The following ZBTB7C variants were observed in gnomAD, a reference collection of about 807,000 sequenced individuals.
ZBTB7C encodes the protein zinc finger and BTB domain-containing protein 7C.
In ZBTB7C, 8 loss-of-function variants were observed where a neutral mutation model predicts 25.7. That is an observed-to-expected ratio of 0.31 (90% CI 0.18 to 0.56). The LOEUF (loss-of-function observed/expected upper bound fraction) is 0.56, where lower values mean the gene tolerates loss of function less well. Among genes scored for constraint, ZBTB7C ranks in the 20% least tolerant of loss-of-function variants. The probability of loss-of-function intolerance (pLI) is 0.91; values close to 1 mark genes in which losing one functional copy is unlikely to be tolerated. For missense variants in ZBTB7C, 824 were observed against 855.2 expected, an observed-to-expected ratio of 0.96 and a Z score of 0.46; for synonymous variants, 394 against 369.0, an observed-to-expected ratio of 1.07 and a Z score of -0.78.
At chr18:48,239,388 C>A (rs1021833995) in intron 2 of ZBTB7C, among the ~76,000 whole-genome samples, 2 of 152,182 alleles carry the variant, frequency 1.3e-5, no homozygotes, top group Non-Finnish European at 2.9e-5. Context: ...AGAGGCCAAC[C>A]AACTGCTAGC....
chr18:48,171,874 A>G (rs2041492939), intron 3 of ZBTB7C, among the ~76,000 whole-genome samples: 1 of 152,236 alleles, frequency 6.6e-6, no homozygotes, highest in East Asian at 1.9e-4. Flanking sequence ...CCCTGAAGCC[A>G]CTTGGCAAGT....
chr18:48,388,789 A>G (rs1175868129), intron 1 of ZBTB7C, among the ~76,000 whole-genome samples: 3 of 152,242 alleles, frequency 2.0e-5, no homozygotes, highest in Non-Finnish European at 4.4e-5. Flanking sequence ...AAACACTAGT[A>G]TCACAGAAGT....
intron 2 of ZBTB7C, among the ~76,000 whole-genome samples, chr18:48,205,068 C>T (rs1266377543): frequency 6.6e-6 from 1 of 152,064 alleles, no homozygotes; most frequent in Admixed American, 6.5e-5. Flanking sequence ...CCTCAGGGCC[C>T]TGGGGACACT....
chr18:48,111,405 T>C (rs1174640009), intron 3 of ZBTB7C, among the ~76,000 whole-genome samples: 2 of 152,248 alleles, frequency 1.3e-5, no homozygotes, highest in Admixed American at 1.3e-4. Flanking sequence ...AAGTGAACAA[T>C]GGATTTCAAA....
chr18:48,210,878 C>T (rs562894087), intron 2 of ZBTB7C, among the ~76,000 whole-genome samples: 1 of 151,950 alleles, frequency 6.6e-6, no homozygotes, highest in Non-Finnish European at 1.5e-5. Context: ...AGACAAATGA[C>T]TCAGAATAGC....
intron 2 of ZBTB7C, among the ~76,000 whole-genome samples, chr18:48,334,102 T>G (rs2046402934): frequency 6.6e-6 from 1 of 152,134 alleles, no homozygotes; most frequent in Non-Finnish European, 1.5e-5. Flanking sequence ...CTACAGGACT[T>G]ACTTAGATCC....
chr18:48,172,782 G>A (rs886280958), intron 3 of ZBTB7C, among the ~76,000 whole-genome samples: 2 of 152,240 alleles, frequency 1.3e-5, no homozygotes, highest in Non-Finnish European at 2.9e-5. Context: ...GGGGTGGGAA[G>A]GGCCGCCTGG....
chr18:48,240,284 T>G (rs2043489102), intron 2 of ZBTB7C, among the ~76,000 whole-genome samples: 2 of 152,174 alleles, frequency 1.3e-5, no homozygotes, highest in African/African-American at 4.8e-5. Flanking sequence ...GAAAGCTTAT[T>G]TGAAGGAATA....
chr18:48,351,285 T>C (rs564716048), intron 1 of ZBTB7C, among the ~76,000 whole-genome samples: 74 of 152,158 alleles, frequency 4.9e-4, no homozygotes, highest in African/African-American at 1.6e-3. Context: ...CCCTTGAGGA[T>C]TGCTGCCACT....
chr18:48,309,272 G>C (rs1483615127), intron 2 of ZBTB7C, among the ~76,000 whole-genome samples: 1 of 152,086 alleles, frequency 6.6e-6, no homozygotes, highest in Non-Finnish European at 1.5e-5. Context: ...GAAATAGGAG[G>C]GCTGGGTGTG....
chr18:48,179,587 C>T (rs2041812892), intron 3 of ZBTB7C, among the ~76,000 whole-genome samples: 1 of 152,014 alleles, frequency 6.6e-6, no homozygotes, highest in South Asian at 2.1e-4. Flanking sequence ...GAGACCATCT[C>T]GGGAGGGACA....
chr18:48,229,760 C>T (rs1216317361), intron 2 of ZBTB7C, among the ~76,000 whole-genome samples: 4 of 152,124 alleles, frequency 2.6e-5, no homozygotes, highest in Non-Finnish European at 4.4e-5. Flanking sequence ...CCGAGGAAGA[C>T]GTGGGGGAGT....
intron 3 of ZBTB7C, among the ~76,000 whole-genome samples, chr18:48,064,817 T>C (rs6507798): frequency 0.53 from 78,984 of 150,112 alleles, 21,341 homozygotes; most frequent in African/African-American, 0.64. Context: ...CCGGGAGGAG[T>C]AGGATGCAGG....
At chr18:48,161,023 T>A (rs957845524) in intron 3 of ZBTB7C, among the ~76,000 whole-genome samples, 1 of 148,908 alleles carries the variant, frequency 6.7e-6, no homozygotes, top group Non-Finnish European at 1.5e-5. Flanking sequence ...CACACAGCCA[T>A]GAGAAGGGTG....
At chr18:48,384,855 T>C (rs1373328865) in intron 1 of ZBTB7C, among the ~76,000 whole-genome samples, 1 of 152,156 alleles carries the variant, frequency 6.6e-6, no homozygotes, top group East Asian at 1.9e-4. Flanking sequence ...CTAATTTTTG[T>C]ATTTTTAGTA....
chr18:48,074,837 G>A (rs563802818), intron 3 of ZBTB7C, among the ~76,000 whole-genome samples: 22 of 152,316 alleles, frequency 1.4e-4, no homozygotes, highest in Admixed American at 3.9e-4. Context: ...GATCAAGGAC[G>A]CTTGGCTTAA....
chr18:48,320,485 T>C (rs563438854), intron 2 of ZBTB7C, among the ~76,000 whole-genome samples: 1 of 152,214 alleles, frequency 6.6e-6, no homozygotes, highest in Admixed American at 6.5e-5. Flanking sequence ...GGCCAATCAG[T>C]AGGCTATTGT....
At chr18:48,282,947 A>G (rs999050997) in intron 2 of ZBTB7C, among the ~76,000 whole-genome samples, 1 of 152,238 alleles carries the variant, frequency 6.6e-6, no homozygotes, top group Non-Finnish European at 1.5e-5. Flanking sequence ...AGTATATTCA[A>G]TGTGTGAAAA....
At chr18:48,108,234 C>T (rs1032620650) in intron 3 of ZBTB7C, among the ~76,000 whole-genome samples, 8 of 152,288 alleles carry the variant, frequency 5.3e-5, no homozygotes, top group Non-Finnish European at 8.8e-5. Context: ...GGCCAGACCT[C>T]GGGTTCCCAG....
Sources: gnomAD v4.1 joint callset for allele counts (sites outside exome capture counted in the v4.1 genomes callset) on GRCh38, gnomAD v4.1.1 for gene constraint, MANE v1.5 for transcripts, NCBI Gene and HGNC (gene_info 2026-07-23, HGNC 2026-07-21) for gene names.